Variants in VWA8 observed in about 807,000 individuals in gnomAD.
VWA8 encodes von Willebrand factor A domain-containing protein 8.
In VWA8, 221 loss-of-function variants were observed where a neutral mutation model predicts 241.5. That is an observed-to-expected ratio of 0.91 (90% CI 0.82 to 1.02). VWA8 has a LOEUF of 1.02. Ranked by LOEUF, VWA8 falls within the 50% of genes least tolerant of loss-of-function variation. The pLI is 0.00. For missense variants in VWA8, 2,322 were observed against 2,328.7 expected, an observed-to-expected ratio of 1.00 and a Z score of 0.06; for synonymous variants, 852 against 827.1, an observed-to-expected ratio of 1.03 and a Z score of -0.52.
At chr13:41,876,131 G>A (rs949308997) in intron 9 of VWA8, among the ~76,000 whole-genome samples, 1 of 152,038 alleles carries the variant, frequency 6.6e-6, no homozygotes, top group African/African-American at 2.4e-5. Context: ...CTACAATAGT[G>A]TCTCAACTGG....
At chr13:41,945,526 G>A (rs1877811070) in intron 2 of VWA8, among the ~76,000 whole-genome samples, 1 of 152,132 alleles carries the variant, frequency 6.6e-6, no homozygotes, top group South Asian at 2.1e-4. Flanking sequence ...AAGAAATCAT[G>A]TCTAAAGAAG....
At chr13:41,762,470 T>C (rs2045747802) in intron 20 of VWA8, among the ~76,000 whole-genome samples, 1 of 152,156 alleles carries the variant, frequency 6.6e-6, no homozygotes, top group South Asian at 2.1e-4. Flanking sequence ...TCCAGGTCTA[T>C]ATGATTCTGA....
chr13:41,942,473 T>A (rs1202344211), intron 2 of VWA8, among the ~76,000 whole-genome samples: 1 of 152,164 alleles, frequency 6.6e-6, no homozygotes, highest in Non-Finnish European at 1.5e-5. Context: ...CCTGGTAGAA[T>A]GGCAGGAGGA....
chr13:41,694,299 G>A (rs906895889), intron 29 of VWA8, among the ~76,000 whole-genome samples: 1 of 151,950 alleles, frequency 6.6e-6, no homozygotes, highest in African/African-American at 2.4e-5. Flanking sequence ...AATAGTATTT[G>A]CACCATATAA....
chr13:41,799,382 C>T (rs138852428), intron 17 of VWA8, among the ~76,000 whole-genome samples: 2 of 152,262 alleles, frequency 1.3e-5, no homozygotes, highest in East Asian at 1.9e-4. Context: ...CCTTTACAGA[C>T]GGCATCAACA....
At chr13:41,911,921 C>A in intron 3 of VWA8, 117 bp downstream of exon 3, 1 of 1,180,134 alleles carries the variant, frequency 8.5e-7, no homozygotes, top group South Asian at 3.3e-5. Flanking sequence ...CCTTTGATGT[C>A]AGCATTTGTT....
intron 40 of VWA8, among the ~76,000 whole-genome samples, chr13:41,594,132 T>TG (rs2044473674): frequency 7.3e-5 from 11 of 151,618 alleles, no homozygotes; most frequent in Admixed American, 7.2e-4. Flanking sequence ...TTGTTTTTTT[T>TG]TTTTTGACAC....
chr13:41,689,978 C>G (rs1454979374), intron 33 of VWA8, among the ~76,000 whole-genome samples, 188 bp downstream of exon 33: 2 of 152,086 alleles, frequency 1.3e-5, no homozygotes, highest in African/African-American at 2.4e-5. Context: ...GAGCTTACAA[C>G]AGTGAACTTC....
At chr13:41,837,480 A>AT (rs1333946549) in intron 12 of VWA8, among the ~76,000 whole-genome samples, 3 of 48,854 alleles carry the variant, frequency 6.1e-5, no homozygotes, top group Non-Finnish European at 1.7e-4. Context: ...AATTAATAAA[A>AT]CTTTTCAGCA....
intron 37 of VWA8, among the ~76,000 whole-genome samples, chr13:41,624,958 C>T (rs1402486079): frequency 6.6e-6 from 1 of 152,202 alleles, no homozygotes; most frequent in Non-Finnish European, 1.5e-5. Context: ...AACTGATAAA[C>T]AACTTCAGTA....
chr13:41,917,588 C>T (rs1164959669), intron 2 of VWA8, among the ~76,000 whole-genome samples: 2 of 152,110 alleles, frequency 1.3e-5, no homozygotes, highest in South Asian at 2.1e-4. Context: ...GAACCAGGTA[C>T]GGGAGAATTA....
chr13:41,657,784 C>T (rs374461720), intron 37 of VWA8, among the ~76,000 whole-genome samples: 7 of 152,202 alleles, frequency 4.6e-5, no homozygotes, highest in African/African-American at 1.2e-4. Flanking sequence ...CCACCGCGCC[C>T]GGCCAAGTTA....
At chr13:41,755,445 T>A (rs543256322) in intron 21 of VWA8, among the ~76,000 whole-genome samples, 1 of 152,136 alleles carries the variant, frequency 6.6e-6, no homozygotes, top group East Asian at 1.9e-4. Context: ...CTATTATCAA[T>A]CAATAATATA....
At chr13:41,908,044 A>G (rs1339431733) in intron 3 of VWA8, among the ~76,000 whole-genome samples, 2 of 152,218 alleles carry the variant, frequency 1.3e-5, no homozygotes, top group East Asian at 3.8e-4. Context: ...CACAAACTAT[A>G]GCCATTTCTG....
chr13:41,917,142 T>C (rs1876298888), intron 2 of VWA8, among the ~76,000 whole-genome samples: 1 of 152,238 alleles, frequency 6.6e-6, no homozygotes, highest in South Asian at 2.1e-4. Flanking sequence ...ATCATAGTTA[T>C]CTAAATTATA....
At chr13:41,570,747 ACTT>A (rs759585503) in intron 43 of VWA8, 41 bp from the exon 44 acceptor site, 4 of 1,568,364 alleles carry the variant, frequency 2.6e-6, no homozygotes, top group South Asian at 1.1e-5. Flanking sequence ...TGGCTGAGAA[ACTT>A]CTTTTTTAAC....
chr13:41,863,405 G>A (rs1478326005), intron 12 of VWA8, among the ~76,000 whole-genome samples: 4 of 20,690 alleles, frequency 1.9e-4, no homozygotes, highest in Non-Finnish European at 3.0e-4. Flanking sequence ...TTGTGTGTGT[G>A]TGTGTGTGTG....
chr13:41,750,013 T>C (rs922486015), intron 21 of VWA8, among the ~76,000 whole-genome samples: 1 of 151,926 alleles, frequency 6.6e-6, no homozygotes, highest in Admixed American at 6.6e-5. Flanking sequence ...CCCTAAAACT[T>C]AAAGTATATT....
At chr13:41,892,604 T>C (rs916184088) in intron 4 of VWA8, among the ~76,000 whole-genome samples, 7 of 152,214 alleles carry the variant, frequency 4.6e-5, no homozygotes, top group African/African-American at 1.7e-4. Flanking sequence ...ACCACCTTTA[T>C]GCTAATGACC....
Sources: gnomAD v4.1 joint callset for allele counts (sites outside exome capture counted in the v4.1 genomes callset) on GRCh38, gnomAD v4.1.1 for gene constraint, MANE v1.5 for transcripts, NCBI Gene and HGNC (gene_info 2026-07-23, HGNC 2026-07-21) for gene names.